Variants in GPC3 observed in about 807,000 individuals in gnomAD.
GPC3 encodes the protein glypican 3.
In GPC3, 3 loss-of-function variants were observed where a neutral mutation model predicts 34.4. The ratio of observed to expected loss-of-function variants is 0.09; its 90% CI spans 0.04 to 0.23. The LOEUF is 0.23. GPC3 is among the 10% of genes least tolerant of loss of function. The pLI is 1.00. For missense variants in GPC3, 351 were observed against 445.6 expected (o/e 0.79, Z 1.91); for synonymous variants, 177 against 174.0 (o/e 1.02, Z -0.13).
intron 3 of GPC3, among the ~76,000 whole-genome samples, chrX:133,747,471 CTGAT>C (rs764628062): frequency 8.0e-5 from 9 of 111,852 alleles, no homozygotes; most frequent in Non-Finnish European, 1.1e-4. Context: ...AATTCAGAAA[CTGAT>C]TGTGCAGCTG....
intron 6 of GPC3, among the ~76,000 whole-genome samples, chrX:133,642,797 A>T (rs1364670604): frequency 9.2e-6 from 1 of 108,712 alleles, no homozygotes; most frequent in Non-Finnish European, 1.9e-5. Context: ...AAAAAAAGAA[A>T]GAAAGAAAGG....
At chrX:133,682,699 G>A (rs771060996) in intron 5 of GPC3, among the ~76,000 whole-genome samples, 1 of 111,714 alleles carries the variant, frequency 9.0e-6, no homozygotes, top group African/African-American at 3.3e-5. Context: ...GGGCGCGGTG[G>A]CTCACGCCTG....
intron 5 of GPC3, among the ~76,000 whole-genome samples, chrX:133,677,693 G>A (rs1290831738): frequency 8.9e-6 from 1 of 111,897 alleles, no homozygotes; most frequent in Non-Finnish European, 1.9e-5. Flanking sequence ...AGCCTCAGAG[G>A]CAGGTGAGTG....
At chrX:133,974,250 A>G (rs1316658075) in intron 1 of GPC3, among the ~76,000 whole-genome samples, 1 of 111,437 alleles carries the variant, frequency 9.0e-6, no homozygotes, top group Non-Finnish European at 1.9e-5. Context: ...GGGTTTCACT[A>G]TGTTGCCCAG....
chrX:133,891,196 T>C (rs1016853508), intron 2 of GPC3, among the ~76,000 whole-genome samples: 3 of 111,440 alleles, frequency 2.7e-5, no homozygotes, highest in African/African-American at 9.8e-5. Context: ...GCCCCCATAT[T>C]GTATGATTCC....
chrX:133,864,501 C>T (rs1314648849), intron 2 of GPC3, among the ~76,000 whole-genome samples: 1 of 111,570 alleles, frequency 9.0e-6, no homozygotes, highest in East Asian at 2.8e-4. Context: ...ACAGCTGCAA[C>T]TCCCATCACC....
intron 2 of GPC3, among the ~76,000 whole-genome samples, chrX:133,773,110 G>C (rs2071940032): frequency 9.0e-6 from 1 of 111,141 alleles, no homozygotes; most frequent in African/African-American, 3.3e-5. Context: ...CCAGGCTGGA[G>C]TGCAATGGTG....
At chrX:133,599,443 C>T (rs996282802) in intron 6 of GPC3, among the ~76,000 whole-genome samples, 1 of 111,774 alleles carries the variant, frequency 8.9e-6, no homozygotes, top group Non-Finnish European at 1.9e-5. Flanking sequence ...ACTGTGGCAT[C>T]GAAGAGTTGT....
intron 6 of GPC3, among the ~76,000 whole-genome samples, chrX:133,621,757 G>C (rs139805426): frequency 0.015 from 1,682 of 112,362 alleles, 40 homozygotes; most frequent in African/African-American, 0.05. Flanking sequence ...GCAGCAGAAA[G>C]TTCTGCAGAG....
intron 2 of GPC3, among the ~76,000 whole-genome samples, chrX:133,824,734 T>C (rs1028401600): frequency 9.1e-6 from 1 of 109,596 alleles, no homozygotes; most frequent in African/African-American, 3.4e-5. Flanking sequence ...TGCATCAATT[T>C]AAAAAGTGCT....
At chrX:133,682,373 G>A (rs1005306593) in intron 5 of GPC3, among the ~76,000 whole-genome samples, 9 of 111,546 alleles carry the variant, frequency 8.1e-5, no homozygotes, top group Admixed American at 6.7e-4. Context: ...TAGCAGTTTC[G>A]TTCCCAAAGA....
intron 7 of GPC3, among the ~76,000 whole-genome samples, chrX:133,551,760 C>T (rs1396622744): frequency 9.0e-6 from 1 of 111,700 alleles, no homozygotes; most frequent in Non-Finnish European, 1.9e-5. Flanking sequence ...CTGTTCTCCT[C>T]TCAGCACTTC....
At chrX:133,922,928 T>C (rs1300188386) in intron 2 of GPC3, among the ~76,000 whole-genome samples, 1 of 111,077 alleles carries the variant, frequency 9.0e-6, no homozygotes, top group Non-Finnish European at 1.9e-5. Flanking sequence ...TGAGGTAGAG[T>C]CTTCTATTAG....
At chrX:133,895,303 T>C (rs979529007) in intron 2 of GPC3, among the ~76,000 whole-genome samples, 1 of 111,931 alleles carries the variant, frequency 8.9e-6, no homozygotes, top group Non-Finnish European at 1.9e-5. Context: ...TCTCCTCTAC[T>C]GATCCAAGTC....
chrX:133,822,805 C>T (rs768633190), intron 2 of GPC3, among the ~76,000 whole-genome samples: 14 of 110,643 alleles, frequency 1.3e-4, no homozygotes, highest in Non-Finnish European at 2.3e-4. Flanking sequence ...TACAAAATGT[C>T]CAGAACACAT....
chrX:133,620,876 G>C (rs1356764710), intron 6 of GPC3, among the ~76,000 whole-genome samples: 1 of 111,216 alleles, frequency 9.0e-6, no homozygotes, highest in African/African-American at 3.3e-5. Context: ...TACATTTCCG[G>C]TTTTCCTACC....
intron 3 of GPC3, among the ~76,000 whole-genome samples, chrX:133,736,087 G>A (rs1482156214): frequency 4.5e-5 from 5 of 111,364 alleles, no homozygotes; most frequent in African/African-American, 6.5e-5. Flanking sequence ...TTCAATAGAC[G>A]TTTTACCAAA....
chrX:133,540,531 A>G (rs749937067), intron 7 of GPC3, among the ~76,000 whole-genome samples: 19 of 111,312 alleles, frequency 1.7e-4, no homozygotes, highest in Admixed American at 1.3e-3. Context: ...GAATGACATA[A>G]TAGACACTGG....
chrX:133,816,354 C>G (rs1423438424), intron 2 of GPC3, among the ~76,000 whole-genome samples: 2 of 112,095 alleles, frequency 1.8e-5, no homozygotes, highest in Non-Finnish European at 3.8e-5. Context: ...TGCACCTGAC[C>G]TAATATTGCT....
Sources: allele counts gnomAD v4.1 joint callset (sites outside exome capture counted in the v4.1 genomes callset), GRCh38; gene constraint gnomAD v4.1.1; transcripts MANE v1.5; gene names NCBI Gene and HGNC (gene_info 2026-07-23, HGNC 2026-07-21).